STIM2: variants seen among roughly 807,000 people sequenced by gnomAD.
The protein encoded by STIM2 is stromal interaction molecule 2.
A neutral mutation model predicts 85.8 loss-of-function variants in STIM2; 31 were observed. The ratio of observed to expected loss-of-function variants is 0.36; its 90% CI spans 0.27 to 0.49. The LOEUF is 0.49. Among genes scored for constraint, STIM2 ranks in the 20% least tolerant of loss-of-function variants. The pLI, the probability that STIM2 is intolerant of heterozygous loss-of-function variation, is 0.98. For synonymous variants in STIM2, 356 were observed against 331.1 expected, an observed-to-expected ratio of 1.08 and a Z score of -0.82; for missense variants, 841 against 927.6, an observed-to-expected ratio of 0.91 and a Z score of 1.21.
intron 2 of STIM2, among the ~76,000 whole-genome samples, chr4:26,927,973 T>G (rs1376297494): frequency 1.3e-5 from 2 of 151,270 alleles, no homozygotes; most frequent in African/African-American, 4.9e-5. Flanking sequence ...AACAGAAATT[T>G]ATTGACTCAC....
chr4:26,999,205 A>G (rs556477628), intron 4 of STIM2, 27 bp from the exon 5 acceptor site: 219 of 1,052,676 alleles, frequency 2.1e-4, no homozygotes, highest in African/African-American at 5.7e-4. Context: ...ATATATATAT[A>G]TGTGTGTGTG....
chr4:26,941,084 C>T (rs1725593753), intron 2 of STIM2, among the ~76,000 whole-genome samples: 1 of 152,170 alleles, frequency 6.6e-6, no homozygotes. Flanking sequence ...TGATCACTTA[C>T]TGTGAAGCTT....
intron 3 of STIM2, among the ~76,000 whole-genome samples, chr4:26,989,515 A>T (rs1487241881): frequency 6.6e-6 from 1 of 152,218 alleles, no homozygotes; most frequent in Non-Finnish European, 1.5e-5. Context: ...TTCGTGCCGA[A>T]TGGGGAAAAA....
chr4:26,976,424 A>C (rs921093421), intron 3 of STIM2, among the ~76,000 whole-genome samples: 1 of 148,574 alleles, frequency 6.7e-6, no homozygotes, highest in East Asian at 2.0e-4. Flanking sequence ...ATGGAGACTC[A>C]AATTACCTCA....
At chr4:26,933,733 CAAAA>C (rs771503772) in intron 2 of STIM2, among the ~76,000 whole-genome samples, 2 of 47,764 alleles carry the variant, frequency 4.2e-5, no homozygotes, top group Admixed American at 2.3e-4. Flanking sequence ...GACCTGATCT[CAAAA>C]AAAAAAAAAA....
At chr4:26,913,941 TAAAC>T (rs891643319) in intron 1 of STIM2, among the ~76,000 whole-genome samples, 1 of 152,124 alleles carries the variant, frequency 6.6e-6, no homozygotes. Context: ...GAAGAAAAAT[TAAAC>T]AAGTAGAAAG....
intron 3 of STIM2, among the ~76,000 whole-genome samples, chr4:26,968,768 T>C (rs1254406032): frequency 3.3e-5 from 5 of 152,140 alleles, no homozygotes; most frequent in African/African-American, 1.2e-4. Context: ...ATTTAAGGAA[T>C]AGGCAAGAAA....
At chr4:26,868,237 A>G (rs1430024610) in intron 1 of STIM2, among the ~76,000 whole-genome samples, 2 of 152,212 alleles carry the variant, frequency 1.3e-5, no homozygotes, top group African/African-American at 2.4e-5. Flanking sequence ...TACTTGGACT[A>G]ACATTCATCT....
rs577436616 is a variant in STIM2 at position 26,954,927 on chromosome 4, A to G, written c.283-2685A>G. Among the ~76,000 whole-genome samples, 4 of 147,394 alleles carry G rather than the reference A, an allele frequency of 2.7e-5. No homozygotes were observed. The South Asian group carries it at 8.7e-4, about 32-fold the overall frequency. On this transcript the variant is annotated intron_variant, in intron 2 of 11. Transcript: ENST00000467087. ...AAAACAGAAGTATTTTTAGATGGTA[A>G]TTCCAGGGAAAATACAATTCATTGT...
At chr4:27,000,374 A>C (rs1728109636) in intron 5 of STIM2, among the ~76,000 whole-genome samples, 1 of 152,320 alleles carries the variant, frequency 6.6e-6, no homozygotes, top group Admixed American at 6.5e-5. Flanking sequence ...ATAGAACACT[A>C]CTGAAATGCC....
At chr4:26,928,581 T>C (rs1269907290) in intron 2 of STIM2, among the ~76,000 whole-genome samples, 1 of 152,172 alleles carries the variant, frequency 6.6e-6, no homozygotes, top group Non-Finnish European at 1.5e-5. Context: ...GCTGTGTGGC[T>C]CATGCTGGTT....
intron 11 of STIM2, among the ~76,000 whole-genome samples, chr4:27,018,817 C>T (rs956448155): frequency 3.9e-5 from 6 of 152,236 alleles, no homozygotes; most frequent in Admixed American, 1.3e-4. Context: ...TACTTGAACA[C>T]GAAGAAATAT....
At chr4:27,020,898 C>T (rs1056646604) in intron 11 of STIM2, 90 of 1,031,818 alleles carry the variant, frequency 8.7e-5, no homozygotes, top group Admixed American at 2.3e-4. Context: ...CCTTTCTGTT[C>T]TGCCTTCAGC....
intron 1 of STIM2, among the ~76,000 whole-genome samples, chr4:26,880,614 T>TATATGTAAATATATATATAA (rs1722969111): frequency 6.8e-6 from 1 of 146,654 alleles, no homozygotes; most frequent in Non-Finnish European, 1.5e-5. Context: ...TATATAAATA[T>TATATGTAAATATATATATAA]ATATGTAAAT....
intron 1 of STIM2, chr4:26,874,120 G>T (rs1722728950): frequency 1.8e-6 from 1 of 551,796 alleles, no homozygotes; most frequent in East Asian, 3.8e-5. Context: ...TGCTGCCCTG[G>T]CTCTGGGGTT....
chr4:26,984,461 A>G (rs1727509826), intron 3 of STIM2, among the ~76,000 whole-genome samples: 1 of 152,166 alleles, frequency 6.6e-6, no homozygotes, highest in Non-Finnish European at 1.5e-5. Context: ...CCCAGGCTCA[A>G]GTGATTCTCC....
At chr4:26,932,222 A>G (rs184341509) in intron 2 of STIM2, among the ~76,000 whole-genome samples, 11 of 152,294 alleles carry the variant, frequency 7.2e-5, no homozygotes, top group African/African-American at 2.4e-4. Flanking sequence ...CATGTTCTTG[A>G]CTTCTAGTGT....
chr4:26,873,860 C>T (rs1048753104), intron 1 of STIM2: 9 of 1,171,204 alleles, frequency 7.7e-6, no homozygotes, highest in Admixed American at 1.9e-5. Flanking sequence ...TGAACCCATC[C>T]GGGCAGAGAG....
rs577382130 is a variant in STIM2, at chr4:26,897,570, C to G, written c.152-21934C>G. ...TTATGACGTTTTTGCTCTTTTGTTT[C>G]TTTTGAGTATTTCAAAGAAAATCAG... On this transcript the variant is annotated intron_variant, in intron 1 of 11. Transcript: ENST00000467087. Among the ~76,000 whole-genome samples, 3 of 152,146 alleles carry G rather than the reference C, an allele frequency of 2.0e-5. No individual in the cohort carries two copies. In the South Asian group the frequency reaches 6.2e-4, roughly 32 times the overall value.
Sources: gnomAD v4.1 joint callset for allele counts (sites outside exome capture counted in the v4.1 genomes callset) on GRCh38, gnomAD v4.1.1 for gene constraint, MANE v1.5 for transcripts, NCBI Gene and HGNC (gene_info 2026-07-23, HGNC 2026-07-21) for gene names.